FNTB: variants seen among roughly 807,000 people sequenced by gnomAD.
The protein encoded by FNTB is protein farnesyltransferase subunit beta.
FNTB carries 27 observed loss-of-function variants against 59.4 expected under a neutral mutation model. The observed-to-expected ratio is 0.45, with a 90% CI of 0.34 to 0.63. The LOEUF is 0.63. Ranked by LOEUF, FNTB falls within the 20% of genes least tolerant of loss-of-function variation. The pLI, the probability that FNTB is intolerant of heterozygous loss-of-function variation, is 0.02. For synonymous variants in FNTB, 230 were observed against 220.7 expected, an observed-to-expected ratio of 1.04 and a Z score of -0.37; for missense variants, 449 against 559.6, an observed-to-expected ratio of 0.80 and a Z score of 1.99.
chr14:65,032,464 C>A lies in FNTB; in HGVS notation c.606-146C>A. Reference sequence around the variant, plus strand: ...GAATGTCACACCTCTCAGTTGGAGACCCAGGAGGACTGACCGTGTGCCAAG... The same window carrying A: ...GAATGTCACACCTCTCAGTTGGAGAACCAGGAGGACTGACCGTGTGCCAAG... On this transcript the variant is annotated intron_variant, in intron 6 of 11. Coordinates refer to ENST00000246166, the MANE Select transcript of FNTB (RefSeq NM_002028.4). The surrounding 1 kb of genome is among the most constrained non-coding windows in gnomAD (Gnocchi z 5.0). 1 of 701,180 alleles carries A rather than the reference C, an allele frequency of 1.4e-6. No homozygotes were observed. Among genetic ancestry groups the A allele is most frequent in the Non-Finnish European group, 2.2e-6 (1 of 452,082 alleles). The allele number at this position is 701,180 out of a possible 1,614,324, so 43.4% of individuals were successfully genotyped here. A position where few individuals can be genotyped will look rare whatever the true frequency, so the allele number is the denominator to read the frequency against.
chr14:64,995,639 ATG>A (rs1888362815), intron 1 of FNTB, among the ~76,000 whole-genome samples: 2 of 151,362 alleles, frequency 1.3e-5, no homozygotes, highest in Admixed American at 1.3e-4. Flanking sequence ...TATATCATAT[ATG>A]TGTGTATAGT....
At chr14:64,989,267 T>C (rs1403260524) in intron 1 of FNTB, among the ~76,000 whole-genome samples, 1 of 133,232 alleles carries the variant, frequency 7.5e-6, no homozygotes, top group Admixed American at 7.8e-5. Context: ...AGACCCTGTC[T>C]CTACCAAAAA....
rs2062005443 is a variant in FNTB at position 65,027,512 on chromosome 14, G to C, written c.434G>C (p.Gly145Ala). ...SPEGGFGGGP[G>A]QYPHLAPTYA... is the part of the protein sequence containing the mutation. The stretch of plus-strand genomic sequence containing the variant: ...GAAGGTGGCTTTGGAGGAGGACCCG[G>C]TCAGTATCCACACCTTGCACCCACA... The change falls in exon 5 of 12, where the codon GGT becomes GCT. Residue 145 changes from glycine (G) to alanine (A), a missense_variant. Coordinates refer to ENST00000246166, the MANE Select transcript of FNTB (RefSeq NM_002028.4). This position sits in a 1 kb window ranked among gnomAD's most constrained non-coding sequence, Gnocchi z 5.7. The C allele has an allele frequency of 6.2e-7, 1 of 1,614,176 alleles. No individual in the cohort carries two copies. The highest frequency in any genetic ancestry group is 1.1e-5 in the South Asian group (1 of 91,088).
At position 65,015,619 on chromosome 14, in the gene FNTB, T is replaced by TCC. The variant is rs752436863; in HGVS notation, c.283-4_283-3dup. ...AGGGATGTTTTCTCTCCTGTCTCTC[T>TCC]CCCAGTGTCTGGATGCCAGCCGCCC... On this transcript the variant is annotated splice_region_variant and splice_polypyrimidine_tract_variant and intron_variant, in intron 3 of 11. Coordinates refer to ENST00000246166, the MANE Select transcript of FNTB (RefSeq NM_002028.4). 5.0e-6 allele frequency: 8 copies of TCC among 1,614,060 alleles called. No homozygotes were observed. The highest frequency in any genetic ancestry group is 5.9e-6 in the Non-Finnish European group (7 of 1,179,996).
At chr14:65,008,605 C>A (rs147199169) in intron 2 of FNTB, among the ~76,000 whole-genome samples, 32 of 152,326 alleles carry the variant, frequency 2.1e-4, no homozygotes, top group African/African-American at 7.5e-4. Flanking sequence ...TAAGCTGAAT[C>A]TGTAGGTGGA....
chr14:64,998,962 A>G (rs1888503121), intron 1 of FNTB, among the ~76,000 whole-genome samples: 1 of 152,248 alleles, frequency 6.6e-6, no homozygotes, highest in Non-Finnish European at 1.5e-5. Context: ...TGATAGATCT[A>G]CACAGTGGAA....
rs539320745 is a variant in FNTB, at chr14:65,000,328, G to C, written c.145-3921G>C. ...ATCAAAAATATTTGGAAAAAAGATT[G>C]TGTCTGTACTGAATAAGTACAGACT... On this transcript the variant is annotated intron_variant, in intron 1 of 11. Coordinates refer to ENST00000246166, the MANE Select transcript of FNTB (RefSeq NM_002028.4). Among the ~76,000 whole-genome samples, 5 of 152,258 alleles carry C rather than the reference G, an allele frequency of 3.3e-5. No individual in the cohort carries two copies. In the East Asian group the frequency reaches 9.6e-4, roughly 29 times the overall value.
intron 11 of FNTB, among the ~76,000 whole-genome samples, chr14:65,060,841 C>A (rs2062847533): frequency 7.0e-6 from 1 of 143,610 alleles, no homozygotes; most frequent in Admixed American, 7.0e-5. Context: ...TCAATGCACT[C>A]CAGCCTGGGC....
chr14:65,031,709 T>C lies in FNTB; in HGVS notation c.606-901T>C, dbSNP rs1410873222. Among the ~76,000 whole-genome samples, 2 of 152,130 alleles carry C rather than the reference T, an allele frequency of 1.3e-5. No individual in the cohort carries two copies. Among genetic ancestry groups the C allele is most frequent in the Non-Finnish European group, 1.5e-5 (1 of 67,968 alleles). On this transcript the variant is annotated intron_variant, in intron 6 of 11. Coordinates refer to ENST00000246166, the MANE Select transcript of FNTB (RefSeq NM_002028.4). This position sits in a 1 kb window ranked among gnomAD's most constrained non-coding sequence, Gnocchi z 4.6. ...GCCAAGGCAGGTGGATTGCTTGAGG[T>C]CAGGAGTTTGAAACCAGCCTAGCCA...
At chr14:64,996,897 T>C (rs1888417964) in intron 1 of FNTB, among the ~76,000 whole-genome samples, 2 of 151,844 alleles carry the variant, frequency 1.3e-5, no homozygotes, top group East Asian at 1.9e-4. Context: ...GCAGCCCTTA[T>C]CATAAGTTGT....
chr14:65,018,846 C>T (rs1307474925), intron 4 of FNTB, among the ~76,000 whole-genome samples: 1 of 149,692 alleles, frequency 6.7e-6, no homozygotes, highest in African/African-American at 2.5e-5. Flanking sequence ...CGCGGTGGCT[C>T]ACACCTGTAA....
chr14:65,005,458 T>TTTCC (rs2061566754), intron 2 of FNTB, among the ~76,000 whole-genome samples: 1 of 82,070 alleles, frequency 1.2e-5, no homozygotes, highest in African/African-American at 5.3e-5. Context: ...CTTTTCTTTC[T>TTTCC]TTCTTTCTTT....
chr14:65,034,958 G>A (rs1488963429), intron 7 of FNTB, among the ~76,000 whole-genome samples: 1 of 152,206 alleles, frequency 6.6e-6, no homozygotes, highest in Admixed American at 6.5e-5. Context: ...AGTCAACTTG[G>A]TCAGACTCAA....
intron 2 of FNTB, chr14:65,006,156 C>CTTTTTTTTTT (rs367570902): frequency 1.4e-5 from 21 of 1,501,226 alleles, no homozygotes; most frequent in Admixed American, 8.1e-5. Flanking sequence ...ACCTTTGTGT[C>CTTTTTTTTTT]TTTTTTTTTT....
In FNTB at chr14:65,037,606, G is replaced by A. The variant is rs147559456; in HGVS notation, c.693-3184G>A. 8.2e-4 allele frequency among the ~76,000 whole-genome samples: 122 copies of A among 148,684 alleles called. 2 individuals carry two copies. In the East Asian group the frequency reaches 0.02, roughly 25 times the overall value. On this transcript the variant is annotated intron_variant, in intron 7 of 11. Transcript: ENST00000246166. ...CCATCCGCTAATTTTTTAAATTTTT[G>A]TAGAGACAAAGCCTCACCACATTGC...
intron 9 of FNTB, among the ~76,000 whole-genome samples, chr14:65,049,855 G>C (rs2062567519): frequency 6.6e-6 from 1 of 151,930 alleles, no homozygotes; most frequent in Admixed American, 6.6e-5. Context: ...GAACCATCAT[G>C]ACAATTTTAG....
intron 10 of FNTB, 146 bp downstream of exon 10, chr14:65,053,495 C>T (rs2062657567): frequency 1.5e-6 from 1 of 676,914 alleles, no homozygotes; most frequent in African/African-American, 1.9e-5. Flanking sequence ...GGAAAAAGCA[C>T]CCAGTTGGGA....
intron 9 of FNTB, 78 bp from the exon 10 acceptor site, chr14:65,053,160 C>G: frequency 8.8e-7 from 1 of 1,133,216 alleles, no homozygotes; most frequent in Non-Finnish European, 1.1e-6. Context: ...ACTATTCCCC[C>G]AGGTGAGAAA....
chr14:65,058,222 GTTT>G (rs984712073), intron 11 of FNTB, among the ~76,000 whole-genome samples: 4 of 139,726 alleles, frequency 2.9e-5, no homozygotes, highest in African/African-American at 1.1e-4. Flanking sequence ...GTCTTTCAGT[GTTT>G]TTTTTATAAT....
Sources: gnomAD v4.1 joint callset for allele counts (sites outside exome capture counted in the v4.1 genomes callset) on GRCh38, gnomAD v4.1.1 for gene constraint, Gnocchi (gnomAD v3.1) non-coding constraint, MANE v1.5 for transcripts, NCBI Gene and HGNC (gene_info 2026-07-23, HGNC 2026-07-21) for gene names.